CADM2: variants seen among roughly 807,000 people sequenced by gnomAD.
CADM2 encodes the protein immunoglobulin superfamily member 4D.
CADM2 carries 12 observed loss-of-function variants against 49.8 expected under a neutral mutation model. The ratio of observed to expected loss-of-function variants is 0.24; its 90% CI spans 0.15 to 0.39. The LOEUF (loss-of-function observed/expected upper bound fraction) is 0.39, where lower values mean the gene tolerates loss of function less well. Among genes scored for constraint, CADM2 ranks in the 10% least tolerant of loss-of-function variants. The pLI, the probability that CADM2 is intolerant of heterozygous loss-of-function variation, is 1.00. For synonymous variants in CADM2, 214 were observed against 175.4 expected (o/e 1.22, Z -1.74); for missense variants, 378 against 492.3 (o/e 0.77, Z 2.20).
At chr3:85,968,543 A>G (rs1725736016) in intron 8 of CADM2, among the ~76,000 whole-genome samples, 1 of 151,606 alleles carries the variant, frequency 6.6e-6, no homozygotes, top group East Asian at 1.9e-4. Flanking sequence ...CATAGGAAAA[A>G]ACCGTCATTC....
chr3:85,060,164 T>C (rs1469238791), intron 1 of CADM2, among the ~76,000 whole-genome samples: 1 of 152,174 alleles, frequency 6.6e-6, no homozygotes, highest in Non-Finnish European at 1.5e-5. Context: ...AGCGTCCCTC[T>C]CTGTCGCCCA....
Position 85,039,521 on chromosome 3 carries a change from A to G in CADM2, c.61+79853A>G, listed in dbSNP as rs28711631. On this transcript the variant is annotated intron_variant, in intron 1 of 9. Coordinates refer to ENST00000383699, the MANE Select transcript of CADM2 (RefSeq NM_001167675.2). ...GTATTGCATACATTTTCTTAAAGCT[A>G]TGGTATACTGATAAAGACAAATGTA... Among the ~76,000 whole-genome samples, 690 of 152,280 alleles carry G rather than the reference A, an allele frequency of 4.5e-3. 3 individuals are homozygous for G. Among genetic ancestry groups the G allele is most frequent in the African/African-American group, 0.016 (664 of 41,550 alleles).
At chr3:84,998,201 A>G (rs146488038) in intron 1 of CADM2, among the ~76,000 whole-genome samples, 1 of 152,236 alleles carries the variant, frequency 6.6e-6, no homozygotes, top group Admixed American at 6.5e-5. Context: ...TAATCAAATC[A>G]AAATTATGTG....
At chr3:85,770,745 G>C (rs2070041562) in intron 2 of CADM2, among the ~76,000 whole-genome samples, 1 of 152,046 alleles carries the variant, frequency 6.6e-6, no homozygotes, top group African/African-American at 2.4e-5. Context: ...GTAATTGTCT[G>C]GGCTATCCCT....
intron 1 of CADM2, among the ~76,000 whole-genome samples, chr3:85,561,829 T>C (rs905867075): frequency 1.3e-5 from 2 of 152,192 alleles, no homozygotes; most frequent in African/African-American, 4.8e-5. Context: ...AATTTAAGAC[T>C]TTATTCAAAT....
intron 8 of CADM2, among the ~76,000 whole-genome samples, chr3:86,055,515 G>A (rs1737852217): frequency 1.5e-5 from 2 of 133,316 alleles, no homozygotes; most frequent in South Asian, 4.8e-4. Context: ...CACCCTGGCT[G>A]GAGTGCAGTA....
chr3:85,544,520 T>A (rs972865854), intron 1 of CADM2, among the ~76,000 whole-genome samples: 5 of 152,022 alleles, frequency 3.3e-5, no homozygotes, highest in Non-Finnish European at 5.9e-5. Context: ...GAGCTTGCAG[T>A]GAACGGAGAT....
chr3:85,890,555 A>T (rs1714283261), intron 5 of CADM2, among the ~76,000 whole-genome samples: 1 of 152,166 alleles, frequency 6.6e-6, no homozygotes, highest in Non-Finnish European at 1.5e-5. Flanking sequence ...CTGATAGATT[A>T]TCGGACCCAG....
intron 8 of CADM2, among the ~76,000 whole-genome samples, chr3:86,023,042 G>C (rs1426190716): frequency 1.3e-5 from 2 of 152,076 alleles, no homozygotes; most frequent in East Asian, 3.9e-4. Context: ...GAGATCTTCA[G>C]GGTTCTAGCA....
intron 2 of CADM2, among the ~76,000 whole-genome samples, chr3:85,751,511 A>G (rs1284656341): frequency 1.3e-5 from 2 of 152,164 alleles, no homozygotes; most frequent in Non-Finnish European, 2.9e-5. Context: ...GAATTCTCAT[A>G]TACATCTTTG....
At chr3:85,711,882 A>T (rs1484503931) in intron 1 of CADM2, among the ~76,000 whole-genome samples, 1 of 152,176 alleles carries the variant, frequency 6.6e-6, no homozygotes, top group Admixed American at 6.5e-5. Context: ...GCAGCATTTG[A>T]TATATAAAAT....
chr3:85,842,111 C>A (rs1374446137), intron 3 of CADM2, among the ~76,000 whole-genome samples: 1 of 152,084 alleles, frequency 6.6e-6, no homozygotes, highest in Non-Finnish European at 1.5e-5. Context: ...TTAAAAAAGT[C>A]TACCAAGAAA....
intron 1 of CADM2, among the ~76,000 whole-genome samples, chr3:85,235,134 T>A (rs1177246650): frequency 6.6e-6 from 1 of 152,026 alleles, no homozygotes; most frequent in Non-Finnish European, 1.5e-5. Flanking sequence ...CAGCCAAATC[T>A]CTAAACGGAA....
intron 1 of CADM2, among the ~76,000 whole-genome samples, chr3:85,540,638 C>A (rs2061516840): frequency 6.6e-6 from 1 of 152,160 alleles, no homozygotes; most frequent in African/African-American, 2.4e-5. Context: ...AGATTAATCT[C>A]ATTTATCATT....
chr3:85,199,102 A>G (rs1395192972), intron 1 of CADM2, among the ~76,000 whole-genome samples: 1 of 151,882 alleles, frequency 6.6e-6, no homozygotes, highest in Non-Finnish European at 1.5e-5. Flanking sequence ...GTCCTTTATG[A>G]TTCATGTTGT....
In CADM2 at chr3:85,089,231, G is replaced by A. The variant is rs139933132; in HGVS notation, c.61+129563G>A. Among the ~76,000 whole-genome samples the A allele has an allele frequency of 5.6e-3, 848 of 152,094 alleles. 7 individuals carry two copies. Among genetic ancestry groups the A allele is most frequent in the Admixed American group, 0.023 (347 of 15,244 alleles). ...GTTTTGGAATTTGAAAATGTGGTTA[G>A]TTCTTCAAGCATTTTTATTTAAAAA... On this transcript the variant is annotated intron_variant, in intron 1 of 9. Transcript: ENST00000383699.
chr3:85,315,349 TC>T (rs1388689575), intron 1 of CADM2, among the ~76,000 whole-genome samples: 1 of 152,210 alleles, frequency 6.6e-6, no homozygotes, highest in African/African-American at 2.4e-5. Flanking sequence ...TTATGACTCT[TC>T]CTAAATAAGG....
At chr3:86,051,645 C>T (rs1462299611) in intron 8 of CADM2, among the ~76,000 whole-genome samples, 1 of 152,116 alleles carries the variant, frequency 6.6e-6, no homozygotes, top group East Asian at 1.9e-4. Context: ...ATCCTGGCAT[C>T]TGCTGGACTT....
intron 1 of CADM2, among the ~76,000 whole-genome samples, chr3:85,359,694 C>A (rs2032210685): frequency 7.1e-5 from 3 of 42,186 alleles, no homozygotes; most frequent in Admixed American, 3.0e-4. Context: ...GGGGAGAAGA[C>A]AAAGAAAAGG....
Sources: gnomAD v4.1 joint callset for allele counts (sites outside exome capture counted in the v4.1 genomes callset) on GRCh38, gnomAD v4.1.1 for gene constraint, MANE v1.5 for transcripts, NCBI Gene and HGNC (gene_info 2026-07-23, HGNC 2026-07-21) for gene names.